TMPRSS2: variants seen among roughly 807,000 people sequenced by gnomAD.
TMPRSS2 encodes the protein transmembrane protease serine 2.
A neutral mutation model predicts 67.4 loss-of-function variants in TMPRSS2; 59 were observed. The observed-to-expected ratio is 0.88, with a 90% CI of 0.71 to 1.09. The LOEUF (loss-of-function observed/expected upper bound fraction) is 1.09. Ranked by LOEUF, TMPRSS2 falls within the 50% of genes least tolerant of loss-of-function variation. TMPRSS2 has a pLI of 0.00. For synonymous variants in TMPRSS2, 257 were observed against 257.0 expected (o/e 1.00, Z 0.00); for missense variants, 668 against 642.7 (o/e 1.04, Z -0.43).
intron 1 of TMPRSS2, among the ~76,000 whole-genome samples, chr21:41,500,061 A>T (rs2091413468): frequency 6.6e-6 from 1 of 152,128 alleles, no homozygotes; most frequent in African/African-American, 2.4e-5. Context: ...AGGTGCTCAA[A>T]CAGCAGCAGG....
rs1366830322 is a variant in TMPRSS2, at chr21:41,478,860, C to T, written c.683+312G>A. ...CCACGCCCTGACAAAATAGGTACAC[C>T]TCTAAATGTCTGAAGAGGAAAGAAA... On this transcript the variant is annotated intron_variant, in intron 7 of 13. Transcript: ENST00000332149. The surrounding 1 kb of genome is among the most constrained non-coding windows in gnomAD (Gnocchi z 4.0). Among the ~76,000 whole-genome samples the T allele has an allele frequency of 6.6e-6, 1 of 152,192 alleles. No homozygotes were observed. The highest frequency in any genetic ancestry group is 2.1e-4 in the South Asian group (1 of 4,824).
intron 8 of TMPRSS2, among the ~76,000 whole-genome samples, 177 bp downstream of exon 8, chr21:41,476,400 C>T (rs886476576): frequency 6.6e-6 from 1 of 152,132 alleles, no homozygotes; most frequent in East Asian, 1.9e-4. Flanking sequence ...TGTCTACAGG[C>T]CATGGAAATC....
intron 13 of TMPRSS2, among the ~76,000 whole-genome samples, chr21:41,467,400 A>AG (rs2091094286): frequency 6.6e-6 from 1 of 152,080 alleles, no homozygotes; most frequent in Admixed American, 6.6e-5. Flanking sequence ...AAAAAAAAAA[A>AG]AAAAAGTTTG....
chr21:41,492,807 G>T (rs2091348068), intron 3 of TMPRSS2, among the ~76,000 whole-genome samples: 1 of 152,180 alleles, frequency 6.6e-6, no homozygotes, highest in Non-Finnish European at 1.5e-5. Context: ...TGCCTTCCTG[G>T]GTTTAGCCAT....
chr21:41,470,889 T>G, intron 10 of TMPRSS2, 146 bp from the exon 11 acceptor site: 1 of 570,206 alleles, frequency 1.8e-6, no homozygotes, highest in Non-Finnish European at 3.1e-6. Context: ...CATTCTCACT[T>G]TCTCCCCCTG....
At chr21:41,493,104 C>T (rs2091351267) in intron 3 of TMPRSS2, among the ~76,000 whole-genome samples, 1 of 152,216 alleles carries the variant, frequency 6.6e-6, no homozygotes, top group South Asian at 2.1e-4. Context: ...TAACCACCCA[C>T]ACTGTCTCCA....
intron 8 of TMPRSS2, among the ~76,000 whole-genome samples, chr21:41,473,711 C>T (rs55964536): frequency 0.36 from 53,756 of 151,302 alleles, 11,676 homozygotes; most frequent in Non-Finnish European, 0.5. Context: ...CTTCCCTGAA[C>T]ACTCCTGTGA....
At position 41,478,952 on chromosome 21, in the gene TMPRSS2, C is replaced by T. The variant is rs918615200; in HGVS notation, c.683+220G>A. Among the ~76,000 whole-genome samples, 6 of 152,176 alleles carry T rather than the reference C, an allele frequency of 3.9e-5. No individual in the cohort carries two copies. Among genetic ancestry groups the T allele is most frequent in the South Asian group, 2.1e-4 (1 of 4,832 alleles). Reference sequence around the variant, plus strand: ...TACCAACAAGGGCAGACGGTAGAGGCTGAAAATGAAATAGCAGAGAAACCT... The same window carrying T: ...TACCAACAAGGGCAGACGGTAGAGGTTGAAAATGAAATAGCAGAGAAACCT... On this transcript the variant is annotated intron_variant, in intron 7 of 13. Transcript: ENST00000332149. This position sits in a 1 kb window ranked among gnomAD's most constrained non-coding sequence, Gnocchi z 4.0.
rs2146415353 is a variant in TMPRSS2 at position 41,465,545 on chromosome 21, C to T, written c.*597G>A. The T allele has an allele frequency of 4.3e-6, 1 of 233,656 alleles. No individual in the cohort carries two copies. The highest frequency in any genetic ancestry group is 2.2e-5 in the African/African-American group (1 of 45,482). The allele number at this position is 233,656 out of a possible 1,614,324, so 14.5% of individuals were successfully genotyped here. ...CCAAGGGCACTGTCTATATTCTCAC[C>T]CCATAAGAACAAAAATGTTTCTGTT... On this transcript the variant is annotated 3_prime_UTR_variant, in exon 14 of 14. Coordinates refer to ENST00000332149, the MANE Select transcript of TMPRSS2 (RefSeq NM_005656.4).
intron 11 of TMPRSS2, among the ~76,000 whole-genome samples, chr21:41,469,406 C>A (rs7278627): frequency 0.038 from 5,727 of 152,072 alleles, 373 homozygotes; most frequent in African/African-American, 0.13. Flanking sequence ...CCACTCCCCA[C>A]GCAGCTGCCA....
chr21:41,507,731 C>A (rs1370895849), intron 1 of TMPRSS2, among the ~76,000 whole-genome samples: 2 of 152,094 alleles, frequency 1.3e-5, no homozygotes, highest in East Asian at 3.9e-4. Context: ...GGAGGGCAGG[C>A]GGACTAGGAG....
In TMPRSS2 at chr21:41,473,463, C is replaced by T. The variant is rs2091153435; in HGVS notation, c.761G>A (p.Ser254Asn). 6.2e-7 allele frequency: 1 copy of T among 1,609,746 alleles called. No individual in the cohort carries two copies. Among genetic ancestry groups the T allele is most frequent in the East Asian group, 2.2e-5 (1 of 44,788 alleles). The change falls in exon 9 of 14, where the codon AGC becomes AAC. Residue 254 changes from serine (S) to asparagine (N), a missense_variant. Physicochemically the swap from Ser to Asn is conservative, Grantham distance 46. Coordinates refer to ENST00000332149, the MANE Select transcript of TMPRSS2 (RefSeq NM_005656.4). ...CGVNLNSSRQ[S>N]RIVGGESALP... is the part of the protein sequence containing the mutation. The stretch of plus-strand genomic sequence containing the variant: ...CGCGCTCTCGCCGCCCACAATCCTG[C>T]TCTGGCGGCTTGAGTTCAAGTTGAC...
rs780256128 is a variant in TMPRSS2, at chr21:41,480,513, T to C, written c.535A>G (p.Asn179Asp). The change falls in exon 6 of 14, where the codon AAC becomes GAC. Residue 179 changes from asparagine (N) to aspartate (D), a missense_variant. Coordinates refer to ENST00000332149, the MANE Select transcript of TMPRSS2 (RefSeq NM_005656.4). The part of the protein sequence containing the change: ...HPVCQDDWNE[N>D]YGRAACRDMG... ...TCCCTGCAGGCCGCCCGCCCGTAGTTCTCGTTCCAGTCGTCTTGGCACACA... is the reference window on the plus strand; with the variant it reads ...TCCCTGCAGGCCGCCCGCCCGTAGTCCTCGTTCCAGTCGTCTTGGCACACA... The C allele has an allele frequency of 3.7e-6, 6 of 1,613,576 alleles. No homozygotes were observed. In the African/African-American group the frequency reaches 8.0e-5, roughly 22 times the overall value.
intron 10 of TMPRSS2, among the ~76,000 whole-genome samples, chr21:41,471,587 A>C (rs2091133424): frequency 6.6e-6 from 1 of 151,936 alleles, no homozygotes. Flanking sequence ...AATCACCACC[A>C]CTCAGTACAG....
Position 41,471,904 on chromosome 21 carries a change from T to C in TMPRSS2, c.977A>G (p.Tyr326Cys), listed in dbSNP as rs370043174. 10 of 1,613,522 alleles carry C rather than the reference T, an allele frequency of 6.2e-6. No homozygotes were observed. The highest frequency in any genetic ancestry group is 1.3e-5 in the African/African-American group (1 of 74,918). Residue 326 changes from tyrosine to cysteine, a missense_variant, in exon 10 of 14, where the codon TAC becomes TGC. Transcript: ENST00000332149. ...ATGAGAAATCACTTTTTCTACTTGG[T>C]ATCCGGCTCCATAGAACATGAAAGA... ...RQSFMFYGAGYQVEKVISHPN... is the reference protein window; with the variant it reads ...RQSFMFYGAGCQVEKVISHPN...
chr21:41,480,371 C>T (rs1230164030), intron 6 of TMPRSS2, 105 bp downstream of exon 6: 45 of 1,529,438 alleles, frequency 2.9e-5, no homozygotes, highest in Non-Finnish European at 3.9e-5. Flanking sequence ...TGACAATTGT[C>T]CCCAGCACTC....
rs1457065268 is a variant in TMPRSS2 at position 41,488,396 on chromosome 21, C to T, written c.443G>A (p.Cys148Tyr). The T allele has an allele frequency of 1.2e-6, 2 of 1,612,270 alleles. No individual in the cohort carries two copies. The highest frequency in any genetic ancestry group is 1.3e-5 in the African/African-American group (1 of 75,000). The change falls in exon 5 of 14, where the codon TGT (cysteine) becomes TAT (tyrosine). Residue 148 changes from cysteine (C) to tyrosine (Y), a missense_variant and splice_region_variant. Physicochemically the swap from Cys to Tyr is radical, Grantham distance 194. Transcript: ENST00000332149. ...TCCCAAGGTCAAGGCTGACTCACCA[C>T]ACCGATTCTCGTCCTCCCCGCCGGG... ...HCPGGEDENR[C>Y]VRLYGPNFIL...
At chr21:41,485,503 G>C (rs1312214373) in intron 5 of TMPRSS2, among the ~76,000 whole-genome samples, 1 of 151,916 alleles carries the variant, frequency 6.6e-6, no homozygotes, top group Non-Finnish European at 1.5e-5. Flanking sequence ...ACAAAAATTA[G>C]CCAGGTGTGG....
intron 5 of TMPRSS2, among the ~76,000 whole-genome samples, chr21:41,481,471 C>T (rs1031047349): frequency 5.9e-5 from 9 of 152,076 alleles, no homozygotes; most frequent in East Asian, 3.9e-4. Context: ...GTAGGAGGGA[C>T]GGGCTGGGAG....
Sources: allele counts gnomAD v4.1 joint callset (sites outside exome capture counted in the v4.1 genomes callset), GRCh38; gene constraint gnomAD v4.1.1; non-coding constraint Gnocchi (gnomAD v3.1); transcripts MANE v1.5; gene names NCBI Gene and HGNC (gene_info 2026-07-23, HGNC 2026-07-21).